The following ADNP variants were observed in gnomAD, a reference collection of about 807,000 sequenced individuals.
ADNP encodes activity-dependent neuroprotector homeobox protein.
ADNP carries 4 observed loss-of-function variants against 84.9 expected under a neutral mutation model. The ratio of observed to expected loss-of-function variants is 0.05; its 90% CI spans 0.02 to 0.11. The LOEUF (loss-of-function observed/expected upper bound fraction) is 0.11, where lower values mean the gene tolerates loss of function less well. Ranked by LOEUF, ADNP falls within the 10% of genes least tolerant of loss-of-function variation. The pLI is 1.00. For missense variants in ADNP, 1,132 were observed against 1,326.0 expected (o/e 0.85, Z 2.27); for synonymous variants, 554 against 468.1 (o/e 1.18, Z -2.37).
At chr20:50,923,362 T>C (rs1198807895) in intron 2 of ADNP, among the ~76,000 whole-genome samples, 3 of 152,244 alleles carry the variant, frequency 2.0e-5, no homozygotes, top group Non-Finnish European at 2.9e-5. Flanking sequence ...ATTTAAACTA[T>C]GTTCTCAAGT....
Position 50,931,250 on chromosome 20 carries a change from C to CGGGGGGG in ADNP, c.-696_-690dup, listed in dbSNP as rs527835507. On this transcript the variant is annotated 5_prime_UTR_variant, in exon 1 of 6. Coordinates refer to ENST00000621696, the MANE Select transcript of ADNP (RefSeq NM_001282531.3). Reference sequence around the variant, plus strand: ...GGAGGGGGCACAAGATGGCGGCGGCCGGGGGGGGGGGGGCGGGAGTTCAGC... The same window carrying CGGGGGGG: ...GGAGGGGGCACAAGATGGCGGCGGCCGGGGGGGGGGGGGGGGGGGGCGGGAGTTCAGC... 1.9e-4 allele frequency: 3 copies of CGGGGGGG among 16,146 alleles called. No homozygotes were observed. The highest frequency in any genetic ancestry group is 7.4e-4 in the Admixed American group (1 of 1,354). The allele number at this position is 16,146 out of a possible 1,614,324, so 1.0% of individuals were successfully genotyped here.
rs6096168 is a variant in ADNP at position 50,892,638 on chromosome 20, C to T, written c.2076G>A (p.Lys692=). The change falls in exon 6 of 6, where the codon AAG becomes AAA. Residue 692 remains lysine (K), a synonymous_variant. Transcript: ENST00000621696. ...LHLVHCRGVG[K]TQNGQDKTNA... ...TTGTCTTATCCTGGCCATTTTGGGT[C>T]TTTCCAACGCCCCTGCAGTGAACTA... The T allele has an allele frequency of 0.018, 28,505 of 1,614,178 alleles. 478 individuals are homozygous for T. Among genetic ancestry groups the T allele is most frequent in the African/African-American group, 0.079 (5,963 of 75,026 alleles).
At chr20:50,912,087 C>T (rs560381803) in intron 2 of ADNP, among the ~76,000 whole-genome samples, 1 of 152,284 alleles carries the variant, frequency 6.6e-6, no homozygotes, top group South Asian at 2.1e-4. Flanking sequence ...GCACTGAGAG[C>T]TACACAAGGA....
Position 50,893,646 on chromosome 20 carries a change from T to C in ADNP, c.1068A>G (p.Pro356=), listed in dbSNP as rs1568709431. ...SMRLGLGGNA[P]VSIPQQSQSV... Reference sequence around the variant, plus strand: ...ACTGAGATTGTTGAGGAATGGAAACTGGTGCGTTGCCACCTAGACCCAGTC... The same window carrying C: ...ACTGAGATTGTTGAGGAATGGAAACCGGTGCGTTGCCACCTAGACCCAGTC... Residue 356 remains proline, a synonymous_variant, in exon 6 of 6, where the codon CCA becomes CCG. Coordinates refer to ENST00000621696, the MANE Select transcript of ADNP (RefSeq NM_001282531.3). The surrounding 1 kb of genome is among the most constrained non-coding windows in gnomAD (Gnocchi z 4.4). 2.5e-6 allele frequency: 4 copies of C among 1,614,210 alleles called. No homozygotes were observed. Among genetic ancestry groups the C allele is most frequent in the Admixed American group, 1.7e-5 (1 of 60,026 alleles).
At chr20:50,899,251 C>T (rs1487934996) in intron 5 of ADNP, among the ~76,000 whole-genome samples, 1 of 149,746 alleles carries the variant, frequency 6.7e-6, no homozygotes, top group South Asian at 2.1e-4. Flanking sequence ...GGCTGGAGTG[C>T]GATGGCACGA....
intron 2 of ADNP, among the ~76,000 whole-genome samples, chr20:50,909,970 C>T (rs1982881457): frequency 6.6e-6 from 1 of 152,170 alleles, no homozygotes; most frequent in Non-Finnish European, 1.5e-5. Flanking sequence ...CTTCCCTATG[C>T]CAGCCTTTTC....
intron 5 of ADNP, among the ~76,000 whole-genome samples, chr20:50,898,584 A>T (rs1981647292): frequency 6.6e-6 from 1 of 152,248 alleles, no homozygotes; most frequent in Admixed American, 6.5e-5. Context: ...GACAAGCCTG[A>T]CTGGCAAGAA....
At chr20:50,917,589 A>C (rs941765355) in intron 2 of ADNP, among the ~76,000 whole-genome samples, 9 of 152,198 alleles carry the variant, frequency 5.9e-5, no homozygotes, top group African/African-American at 1.9e-4. Flanking sequence ...TGTTCTTCTG[A>C]AAGTCCCTTG....
chr20:50,906,180 C>T (rs1459230283), intron 2 of ADNP, among the ~76,000 whole-genome samples: 5 of 152,186 alleles, frequency 3.3e-5, no homozygotes, highest in Non-Finnish European at 7.3e-5. Context: ...CCACTGCACT[C>T]CAGCATGGCG....
intron 2 of ADNP, chr20:50,905,196 A>G (rs529188860): frequency 3.3e-5 from 5 of 152,376 alleles, no homozygotes; most frequent in South Asian, 2.1e-4. Context: ...TGGGCAGCTG[A>G]GAATATGTAT....
At chr20:50,913,241 ACT>A (rs1251597884) in intron 2 of ADNP, among the ~76,000 whole-genome samples, 1 of 116,204 alleles carries the variant, frequency 8.6e-6, no homozygotes, top group Non-Finnish European at 1.7e-5. Context: ...CAAGAGTGAG[ACT>A]CTGTCTCAAA....
intron 5 of ADNP, among the ~76,000 whole-genome samples, chr20:50,895,164 CAT>C (rs1981249780): frequency 6.6e-6 from 1 of 152,200 alleles, no homozygotes; most frequent in Non-Finnish European, 1.5e-5. Flanking sequence ...ACTATACAGT[CAT>C]GTGTTGCTAA....
intron 2 of ADNP, among the ~76,000 whole-genome samples, chr20:50,923,428 G>A (rs559033020): frequency 1.1e-4 from 17 of 152,290 alleles, no homozygotes; most frequent in East Asian, 1.9e-4. Context: ...TTTCAAAAGC[G>A]TTCTTGTACC....
Position 50,896,586 on chromosome 20 carries a change from A to AT in ADNP, c.202-2075dup, listed in dbSNP as rs112277443. On this transcript the variant is annotated intron_variant, in intron 5 of 5. Coordinates refer to ENST00000621696, the MANE Select transcript of ADNP (RefSeq NM_001282531.3). ...AAAAAAAACCAAAAACTTTAAAAAC[A>AT]TTTTTTTTCTTAAAAGCTAAGACAC... is the stretch of plus-strand genomic sequence containing the variant. Among the ~76,000 whole-genome samples, 5 of 152,176 alleles carry AT rather than the reference A, an allele frequency of 3.3e-5. No homozygotes were observed. The South Asian group carries it at 1.0e-3, about 32-fold the overall frequency.
Position 50,892,584 on chromosome 20 carries a change from T to G in ADNP, c.2130A>C (p.Pro710=). ...AAGTGCGCTTCACAGGTGCCAGACT[T>G]GGAGACTGATTAAGCCGAGAGGGTG... ...TNAPSRLNQS[P]SLAPVKRTYE... is the part of the protein sequence containing the mutation. The change falls in exon 6 of 6, where the codon CCA becomes CCC. Residue 710 remains proline (P), a synonymous_variant. Coordinates refer to ENST00000621696, the MANE Select transcript of ADNP (RefSeq NM_001282531.3). 6.2e-7 allele frequency: 1 copy of G among 1,614,228 alleles called. No homozygotes were observed. The highest frequency in any genetic ancestry group is 8.5e-7 in the Non-Finnish European group (1 of 1,180,050).
intron 2 of ADNP, among the ~76,000 whole-genome samples, chr20:50,907,168 G>A (rs969091512): frequency 1.3e-5 from 2 of 150,850 alleles, no homozygotes; most frequent in South Asian, 2.1e-4. Flanking sequence ...GGGTTTCACC[G>A]TTTAGCCAGG....
At chr20:50,906,994 G>A (rs1178659483) in intron 2 of ADNP, among the ~76,000 whole-genome samples, 1 of 123,408 alleles carries the variant, frequency 8.1e-6, no homozygotes, top group Non-Finnish European at 1.6e-5. Context: ...TTTTGAGACA[G>A]TCTCGCTCTG....
At position 50,893,915 on chromosome 20, in the gene ADNP, G is replaced by A. The variant is rs1981106148; in HGVS notation, c.799C>T (p.Pro267Ser). The part of the protein sequence containing the change: ...HTNVVVPRSK[P>S]LMLIAPKPQD... The stretch of plus-strand genomic sequence containing the variant: ...GGTTTGGGAGCAATTAGCATCAAGG[G>A]TTTGGATCGGGGAACCACTACATTT... Residue 267 changes from proline to serine, a missense_variant, in exon 6 of 6, where the codon CCC (proline) becomes TCC (serine). Pro to Ser is a moderately conservative substitution (Grantham distance 74, BLOSUM62 -1). Around this residue, in one of 10 missense-constraint regions of ADNP, gnomAD observed 239 missense variants for 213.2 expected, o/e 1.12. Coordinates refer to ENST00000621696, the MANE Select transcript of ADNP (RefSeq NM_001282531.3). The surrounding 1 kb of genome is among the most constrained non-coding windows in gnomAD (Gnocchi z 4.4). The A allele has an allele frequency of 6.2e-7, 1 of 1,614,162 alleles. No individual in the cohort carries two copies. The highest frequency in any genetic ancestry group is 8.5e-7 in the Non-Finnish European group (1 of 1,179,992).
chr20:50,904,401 A>G, intron 3 of ADNP: 1 of 171,698 alleles, frequency 5.8e-6, no homozygotes, highest in Non-Finnish European at 1.3e-5. Context: ...ATTTTTTTGT[A>G]GAGACTAGGT....
Sources: gnomAD v4.1 joint callset for allele counts (sites outside exome capture counted in the v4.1 genomes callset) on GRCh38, gnomAD v4.1.1 for gene constraint, gnomAD v4.1.1 regional missense constraint, Gnocchi (gnomAD v3.1) non-coding constraint, MANE v1.5 for transcripts, NCBI Gene and HGNC (gene_info 2026-07-23, HGNC 2026-07-21) for gene names.